The following CELSR1 variants were observed in gnomAD, a reference collection of about 807,000 sequenced individuals.
CELSR1 encodes adhesion G protein-coupled receptor C1.
CELSR1 carries 110 observed loss-of-function variants against 249.1 expected under a neutral mutation model. The ratio of observed to expected loss-of-function variants is 0.44; its 90% CI spans 0.38 to 0.52. The LOEUF (loss-of-function observed/expected upper bound fraction) is 0.52, where lower values mean the gene tolerates loss of function less well. Ranked by LOEUF, CELSR1 falls within the 20% of genes least tolerant of loss-of-function variation. The pLI is 0.00. For missense variants in CELSR1, 4,109 were observed against 4,296.4 expected (o/e 0.96, Z 1.22); for synonymous variants, 2,113 against 1,900.0 (o/e 1.11, Z -2.92).
chr22:46,371,635 TCATC>T (rs899833633), intron 25 of CELSR1, among the ~76,000 whole-genome samples: 1 of 148,874 alleles, frequency 6.7e-6, no homozygotes, highest in African/African-American at 2.5e-5. Context: ...CCCACCCATT[TCATC>T]CATCCATCCA....
In CELSR1 at chr22:46,374,474, G is replaced by A. The variant is rs1175093786; in HGVS notation, c.7585-1417C>T. On this transcript the variant is annotated intron_variant, in intron 24 of 34. Coordinates refer to ENST00000674500, the MANE Select transcript of CELSR1 (RefSeq NM_001378328.1). This position sits in a 1 kb window ranked among gnomAD's most constrained non-coding sequence, Gnocchi z 4.3. ...TCTGAGAGATGAAAAACCTCGCCCA[G>A]AGATAGGATTGTGGGTTTACAAAAA... 6.6e-6 allele frequency among the ~76,000 whole-genome samples: 1 copy of A among 152,184 alleles called. No homozygotes were observed. The highest frequency in any genetic ancestry group is 1.9e-4 in the East Asian group (1 of 5,192).
chr22:46,410,323 G>A lies in CELSR1; in HGVS notation c.4933+75C>T. ...ACGGCTCCCCAGGGATCTGCAAGCA[G>A]TGACCTCTGTGTGGCTGCCGACGTC... On this transcript the variant is annotated intron_variant, in intron 7 of 34. Coordinates refer to ENST00000674500, the MANE Select transcript of CELSR1 (RefSeq NM_001378328.1). This position sits in a 1 kb window ranked among gnomAD's most constrained non-coding sequence, Gnocchi z 6.8. 6.4e-7 allele frequency: 1 copy of A among 1,557,174 alleles called. No individual in the cohort carries two copies. The highest frequency in any genetic ancestry group is 1.7e-5 in the Admixed American group (1 of 58,886).
At position 46,363,961 on chromosome 22, in the gene CELSR1, G is replaced by A; in HGVS notation, c.9035+35C>T. On this transcript the variant is annotated intron_variant, in intron 34 of 34. Transcript: ENST00000674500. This position sits in a 1 kb window ranked among gnomAD's most constrained non-coding sequence, Gnocchi z 4.3. ...TCCTGACTCAGGACAAGGGGGAAGTGGGTGATCCCCGCCCTGGAGGCCCAG... is the reference window on the plus strand; with the variant it reads ...TCCTGACTCAGGACAAGGGGGAAGTAGGTGATCCCCGCCCTGGAGGCCCAG... 2.6e-6 allele frequency: 4 copies of A among 1,545,776 alleles called. No individual in the cohort carries two copies. In the East Asian group the frequency reaches 9.5e-5, roughly 37 times the overall value.
In CELSR1 at chr22:46,471,241, T is replaced by C. The variant is rs1203535491; in HGVS notation, c.3545-6896A>G. Among the ~76,000 whole-genome samples the C allele has an allele frequency of 6.6e-6, 1 of 152,370 alleles. No homozygotes were observed. Among genetic ancestry groups the C allele is most frequent in the East Asian group, 1.9e-4 (1 of 5,192 alleles). ...ACTGTGGACAGTGGTTCTGTCTGCA[T>C]TGCTGATTTTGTTTTTTGTTTGTTT... On this transcript the variant is annotated intron_variant, in intron 1 of 34. Coordinates refer to ENST00000674500, the MANE Select transcript of CELSR1 (RefSeq NM_001378328.1). This position sits in a 1 kb window ranked among gnomAD's most constrained non-coding sequence, Gnocchi z 4.9.
At chr22:46,366,118 G>A (rs1215220401) in intron 30 of CELSR1, among the ~76,000 whole-genome samples, 2 of 17,896 alleles carry the variant, frequency 1.1e-4, no homozygotes, top group Admixed American at 6.7e-4. Context: ...GGGAAGGTGC[G>A]GGGGGGAAGG....
chr22:46,455,998 A>T (rs2079945023), intron 2 of CELSR1, among the ~76,000 whole-genome samples: 1 of 152,262 alleles, frequency 6.6e-6, no homozygotes, highest in African/African-American at 2.4e-5. Flanking sequence ...CCAAGGAGAG[A>T]AAAACTTGAA....
At chr22:46,480,008 T>C (rs1314216791) in intron 1 of CELSR1, among the ~76,000 whole-genome samples, 1 of 152,182 alleles carries the variant, frequency 6.6e-6, no homozygotes, top group Non-Finnish European at 1.5e-5. Context: ...TTCCATCTGT[T>C]CTACAAAAAC....
intron 19 of CELSR1, 115 bp downstream of exon 19, chr22:46,386,287 A>C: frequency 8.3e-7 from 1 of 1,202,892 alleles, no homozygotes; most frequent in Non-Finnish European, 1.1e-6. Flanking sequence ...CATTTTTCTA[A>C]GAGCATGGCC....
At chr22:46,397,352 T>C (rs2147276087) in intron 12 of CELSR1, among the ~76,000 whole-genome samples, 1 of 146,390 alleles carries the variant, frequency 6.8e-6, no homozygotes, top group African/African-American at 2.6e-5. Flanking sequence ...AACTCCTGGC[T>C]TCAAGTGATC....
rs377201229 is a variant in CELSR1 at position 46,381,830 on chromosome 22, C to T, written c.7088+16G>A. On this transcript the variant is annotated intron_variant, in intron 21 of 34. Transcript: ENST00000674500. The surrounding 1 kb of genome is among the most constrained non-coding windows in gnomAD (Gnocchi z 6.0). ...CAGAACGGGCCCTCCCCGTGTGCCC[C>T]GTGCCCAGGCCTTACCGGAGGCTGC... 284 of 1,541,596 alleles carry T rather than the reference C, an allele frequency of 1.8e-4. No homozygotes were observed. In the African/African-American group the frequency reaches 2.3e-3, roughly 13 times the overall value.
chr22:46,536,378 G>C lies in CELSR1; in HGVS notation c.793C>G (p.Leu265Val), dbSNP rs2080855983. The C allele has an allele frequency of 6.2e-7, 1 of 1,612,310 alleles. No homozygotes were observed. The highest frequency in any genetic ancestry group is 2.2e-5 in the East Asian group (1 of 44,856). Residue 265 changes from leucine (L) to valine (V), a missense_variant, in exon 1 of 35, where the codon CTC (leucine) becomes GTC (valine). Physicochemically the swap from Leu to Val is conservative, Grantham distance 32. This residue lies in a region of CELSR1 where 673 missense variants were observed against 636.8 expected (regional missense o/e 1.06). Transcript: ENST00000674500. ...ATGGTGTAGTGCGCGTGCAGCTGGA[G>C]GATGAGGGTGCCCGCCGGTTCGTTC... ...FENEPAGTLI[L>V]QLHAHYTIEG...
chr22:46,391,027 G>A lies in CELSR1; in HGVS notation c.6250+159C>T, dbSNP rs1232516293. ...CTGTTGCGCCCTCTGCCTGCTTTGT[G>A]TATTTCCTGGTAGGGAAAAGGCGAT... On this transcript the variant is annotated intron_variant, in intron 16 of 34. Coordinates refer to ENST00000674500, the MANE Select transcript of CELSR1 (RefSeq NM_001378328.1). This position sits in a 1 kb window ranked among gnomAD's most constrained non-coding sequence, Gnocchi z 4.3. Among the ~76,000 whole-genome samples the A allele has an allele frequency of 2.0e-5, 3 of 152,220 alleles. No homozygotes were observed. The highest frequency in any genetic ancestry group is 4.8e-5 in the African/African-American group (2 of 41,444).
chr22:46,379,017 G>T (rs1401185620), intron 22 of CELSR1, among the ~76,000 whole-genome samples: 1 of 152,190 alleles, frequency 6.6e-6, no homozygotes, highest in Admixed American at 6.5e-5. Flanking sequence ...GGCCTCCAAG[G>T]AGCACCCTCT....
rs2080815129 is a variant in CELSR1, at chr22:46,533,615, A to T, written c.3544+12T>A. 1 of 1,538,868 alleles carries T rather than the reference A, an allele frequency of 6.5e-7. No homozygotes were observed. Among genetic ancestry groups the T allele is most frequent in the Non-Finnish European group, 8.7e-7 (1 of 1,147,514 alleles). On this transcript the variant is annotated intron_variant, in intron 1 of 34. Transcript: ENST00000674500. ...ATCAGGAGCTACTCCTCCCACCCCG[A>T]CGGCCACTCACCAGACACAGACACC...
In CELSR1 at chr22:46,366,957, A is replaced by G. The variant is rs111262852; in HGVS notation, c.8205+36T>C. ...TCCCCCGCCCCTCGAGATGCCGCCCAGCCCCCAGTCCCGCGGTGTCCCCGG... is the reference window on the plus strand; with the variant it reads ...TCCCCCGCCCCTCGAGATGCCGCCCGGCCCCCAGTCCCGCGGTGTCCCCGG... On this transcript the variant is annotated intron_variant, in intron 29 of 34. Transcript: ENST00000674500. 6,705 of 1,559,170 alleles carry G rather than the reference A, an allele frequency of 4.3e-3. 237 individuals carry two copies. In the African/African-American group the frequency reaches 0.079, roughly 18 times the overall value.
intron 1 of CELSR1, among the ~76,000 whole-genome samples, chr22:46,524,417 C>T (rs1240235321): frequency 1.3e-5 from 2 of 152,196 alleles, no homozygotes; most frequent in East Asian, 1.9e-4. Context: ...CTGAGGGACA[C>T]ATCCTGTCCC....
rs1238096852 is a variant in CELSR1, at chr22:46,468,224, A to G, written c.3545-3879T>C. Among the ~76,000 whole-genome samples the G allele has an allele frequency of 1.3e-5, 2 of 151,968 alleles. No homozygotes were observed. Among genetic ancestry groups the G allele is most frequent in the East Asian group, 1.9e-4 (1 of 5,172 alleles). ...GACCTGGTGAAACCATGTCTCTACT[A>G]AAAATACAAAAATTAGCTGGGCGTG... On this transcript the variant is annotated intron_variant, in intron 1 of 34. Coordinates refer to ENST00000674500, the MANE Select transcript of CELSR1 (RefSeq NM_001378328.1). This position sits in a 1 kb window ranked among gnomAD's most constrained non-coding sequence, Gnocchi z 4.5.
chr22:46,467,938 C>T (rs761535019), intron 1 of CELSR1, among the ~76,000 whole-genome samples: 2 of 152,124 alleles, frequency 1.3e-5, no homozygotes. Context: ...TTTTGTGTTA[C>T]TCAGCTGTCT....
At chr22:46,426,196 G>A (rs1569154752) in intron 5 of CELSR1, among the ~76,000 whole-genome samples, 1 of 150,450 alleles carries the variant, frequency 6.6e-6, no homozygotes, top group Non-Finnish European at 1.5e-5. Context: ...AGGTTGTTTA[G>A]ATAATGGAAG....
Sources: gnomAD v4.1 joint callset for allele counts (sites outside exome capture counted in the v4.1 genomes callset) on GRCh38, gnomAD v4.1.1 for gene constraint, gnomAD v4.1.1 regional missense constraint, Gnocchi (gnomAD v3.1) non-coding constraint, MANE v1.5 for transcripts, NCBI Gene and HGNC (gene_info 2026-07-23, HGNC 2026-07-21) for gene names.